The following GPCPD1 variants were observed in gnomAD, a reference collection of about 807,000 sequenced individuals.
GPCPD1 encodes the protein glycerophosphocholine phosphodiesterase GPCPD1.
Under a neutral mutation model 89.2 loss-of-function variants are expected in GPCPD1, and 29 were observed. The observed-to-expected ratio is 0.33, with a 90% CI of 0.24 to 0.44. The LOEUF is 0.44. Ranked by LOEUF, GPCPD1 falls within the 20% of genes least tolerant of loss-of-function variation. The pLI is 1.00. For synonymous variants in GPCPD1, 258 were observed against 266.3 expected (o/e 0.97, Z 0.30); for missense variants, 594 against 808.9 (o/e 0.73, Z 3.22).
At position 5,579,990 on chromosome 20, in the gene GPCPD1, A is replaced by T. The variant is rs373617824; in HGVS notation, c.473+18T>A. The T allele has an allele frequency of 6.7e-7, 1 of 1,496,826 alleles. No homozygotes were observed. The highest frequency in any genetic ancestry group is 1.4e-5 in the African/African-American group (1 of 71,698). 92.7% of individuals were successfully genotyped at this position (1,496,826 alleles called of 1,614,324 possible). On this transcript the variant is annotated intron_variant, in intron 7 of 19. Coordinates refer to ENST00000379019, the MANE Select transcript of GPCPD1 (RefSeq NM_019593.5). ...AGTGAAAACAAATAGCCTAAGTAACACATAAACATGGTCATACCTAAATCT... is the reference window on the plus strand; with the variant it reads ...AGTGAAAACAAATAGCCTAAGTAACTCATAAACATGGTCATACCTAAATCT...
chr20:5,589,899 A>G (rs1261239169), intron 4 of GPCPD1, among the ~76,000 whole-genome samples: 1 of 152,202 alleles, frequency 6.6e-6, no homozygotes, highest in East Asian at 1.9e-4. Flanking sequence ...CATTAACAGT[A>G]CTGGTAGAGC....
intron 11 of GPCPD1, 97 bp downstream of exon 11, chr20:5,573,817 CA>C (rs1343246356): frequency 5.1e-6 from 4 of 784,292 alleles, no homozygotes; most frequent in Non-Finnish European, 6.9e-6. Context: ...ATATAAATGC[CA>C]AGAGATATTC....
At chr20:5,564,260 G>A (rs1464819867) in intron 15 of GPCPD1, among the ~76,000 whole-genome samples, 1 of 151,642 alleles carries the variant, frequency 6.6e-6, no homozygotes, top group Non-Finnish European at 1.5e-5. Flanking sequence ...AGTAAGAGGG[G>A]CACTTATTTT....
At chr20:5,596,101 T>C (rs1188789713) in intron 3 of GPCPD1, among the ~76,000 whole-genome samples, 1 of 152,086 alleles carries the variant, frequency 6.6e-6, no homozygotes. Context: ...TAAGCAAATG[T>C]GGCAAATTTA....
chr20:5,566,814 T>G (rs1986417268), intron 13 of GPCPD1, 42 bp from the exon 14 acceptor site: 1 of 1,337,904 alleles, frequency 7.5e-7, no homozygotes, highest in African/African-American at 1.4e-5. Flanking sequence ...AAGGAAGCCT[T>G]AGCTTATGAA....
intron 1 of GPCPD1, among the ~76,000 whole-genome samples, chr20:5,609,848 G>GA (rs11481644): frequency 0.53 from 72,036 of 136,420 alleles, 19,084 homozygotes; most frequent in African/African-American, 0.69. Context: ...TAGGAATTTT[G>GA]AAAAAAAAAA....
At chr20:5,579,639 C>T (rs561741398) in intron 7 of GPCPD1, among the ~76,000 whole-genome samples, 4 of 152,342 alleles carry the variant, frequency 2.6e-5, no homozygotes, top group African/African-American at 9.6e-5. Flanking sequence ...TGAGCCACTG[C>T]ACCCATTGGC....
intron 10 of GPCPD1, 115 bp downstream of exon 10, chr20:5,575,298 T>A (rs1357634593): frequency 1.0e-5 from 8 of 782,476 alleles, no homozygotes. Flanking sequence ...CAAATTACAC[T>A]AAATTCCCTT....
In GPCPD1 at chr20:5,567,443, A is replaced by C. The variant is rs747413449; in HGVS notation, c.1227+40T>G. On this transcript the variant is annotated intron_variant, in intron 13 of 19. Transcript: ENST00000379019. ...TATACAAGCAAGTACAATAGTCCTA[A>C]AGCTAAGGGATAATTTACATTTCAT... is the stretch of plus-strand genomic sequence containing the variant. 8.4e-6 allele frequency: 13 copies of C among 1,545,870 alleles called. No homozygotes were observed. The Admixed American group carries it at 3.0e-4, about 35-fold the overall frequency.
At chr20:5,579,959 A>C in intron 7 of GPCPD1, 49 bp downstream of exon 7, 1 of 1,208,794 alleles carries the variant, frequency 8.3e-7, no homozygotes, top group Non-Finnish European at 1.2e-6. Context: ...TGAAATCTAC[A>C]GCACTAGTGA....
chr20:5,595,096 G>A (rs1467419671), intron 3 of GPCPD1, among the ~76,000 whole-genome samples: 2 of 152,108 alleles, frequency 1.3e-5, no homozygotes, highest in Non-Finnish European at 2.9e-5. Context: ...TCAACATTGA[G>A]ACAAAACTCT....
chr20:5,578,590 G>A lies in GPCPD1; in HGVS notation c.495C>T (p.Gly165=). ...CCCTATCATCGTCATCTTCCTCCAGGCCTTCTAGTGTCAGCTTCACCCTAC... is the reference window on the plus strand; with the variant it reads ...CCCTATCATCGTCATCTTCCTCCAGACCTTCTAGTGTCAGCTTCACCCTAC... ...SRFRVKLTLE[G]LEEDDDDRVS... is the part of the protein sequence containing the mutation. The change falls in exon 8 of 20, where the codon GGC becomes GGT. Residue 165 remains glycine, a synonymous_variant. Coordinates refer to ENST00000379019, the MANE Select transcript of GPCPD1 (RefSeq NM_019593.5). 3 of 1,609,390 alleles carry A rather than the reference G, an allele frequency of 1.9e-6. No homozygotes were observed. The highest frequency in any genetic ancestry group is 2.6e-6 in the Non-Finnish European group (3 of 1,175,702).
chr20:5,610,468 A>G (rs959973235), intron 1 of GPCPD1, among the ~76,000 whole-genome samples: 1 of 151,906 alleles, frequency 6.6e-6, no homozygotes, highest in Non-Finnish European at 1.5e-5. Context: ...TCCCCAGAGG[A>G]CCTCATCTGC....
chr20:5,555,837 A>C (rs892039698), intron 19 of GPCPD1, among the ~76,000 whole-genome samples: 1 of 152,254 alleles, frequency 6.6e-6, no homozygotes, highest in Admixed American at 6.5e-5. Context: ...CAGGGTATTA[A>C]GAGTGAGACT....
intron 12 of GPCPD1, among the ~76,000 whole-genome samples, chr20:5,568,816 G>C (rs1286276933): frequency 6.6e-6 from 1 of 152,088 alleles, no homozygotes; most frequent in East Asian, 1.9e-4. Context: ...AGGAGGCTGA[G>C]GCAGGAGAAT....
At chr20:5,605,873 A>G (rs1980548257) in intron 1 of GPCPD1, among the ~76,000 whole-genome samples, 1 of 152,200 alleles carries the variant, frequency 6.6e-6, no homozygotes, top group Non-Finnish European at 1.5e-5. Context: ...ACAACCTATT[A>G]TCAAATCCTG....
chr20:5,607,470 C>T (rs1008310470), intron 1 of GPCPD1, among the ~76,000 whole-genome samples: 3 of 151,722 alleles, frequency 2.0e-5, no homozygotes, highest in Non-Finnish European at 2.9e-5. Flanking sequence ...CCCAGCTACT[C>T]GGGAAGCTGA....
intron 3 of GPCPD1, among the ~76,000 whole-genome samples, chr20:5,595,060 C>G (rs939889515): frequency 3.0e-4 from 46 of 152,284 alleles, no homozygotes; most frequent in Non-Finnish European, 5.4e-4. Context: ...CCTTCAGCAA[C>G]CACGACTCTG....
chr20:5,563,950 G>A lies in GPCPD1; in HGVS notation c.1329+1067C>T, dbSNP rs146358416. On this transcript the variant is annotated intron_variant, in intron 15 of 19. Transcript: ENST00000379019. The stretch of plus-strand genomic sequence containing the variant: ...TAGATAAAACCCATTAAGCTAATAA[G>A]CTCCACTCCCCAAATAAGAATTTCC... Among the ~76,000 whole-genome samples, 4 of 152,186 alleles carry A rather than the reference G, an allele frequency of 2.6e-5. No homozygotes were observed. In the East Asian group the frequency reaches 7.7e-4, roughly 29 times the overall value.
Sources: gnomAD v4.1 joint callset for allele counts (sites outside exome capture counted in the v4.1 genomes callset) on GRCh38, gnomAD v4.1.1 for gene constraint, MANE v1.5 for transcripts, NCBI Gene and HGNC (gene_info 2026-07-23, HGNC 2026-07-21) for gene names.